XXYLT1: variants seen among roughly 807,000 people sequenced by gnomAD.
XXYLT1 encodes the protein xyloside xylosyltransferase 1.
In XXYLT1, 20 loss-of-function variants were observed where a neutral mutation model predicts 28.9. The ratio of observed to expected loss-of-function variants is 0.69; its 90% CI spans 0.49 to 1.00. The LOEUF (loss-of-function observed/expected upper bound fraction) is 1.00, where lower values mean the gene tolerates loss of function less well. Among genes scored for constraint, XXYLT1 ranks in the 50% least tolerant of loss-of-function variants. XXYLT1 has a pLI of 0.00. For synonymous variants in XXYLT1, 257 were observed against 253.8 expected (o/e 1.01, Z -0.12); for missense variants, 542 against 560.1 (o/e 0.97, Z 0.33).
chr3:195,129,744 G>A lies in XXYLT1; in HGVS notation c.785+26705C>T, dbSNP rs1056714612. Among the ~76,000 whole-genome samples, 8 of 152,136 alleles carry A rather than the reference G, an allele frequency of 5.3e-5. No homozygotes were observed. Among genetic ancestry groups the A allele is most frequent in the East Asian group, 3.9e-4 (2 of 5,186 alleles). On this transcript the variant is annotated intron_variant, in intron 3 of 3. Transcript: ENST00000310380. This position sits in a 1 kb window ranked among gnomAD's most constrained non-coding sequence, Gnocchi z 4.4. ...TCTCGGGCATTTGGTGATTTCCACC[G>A]TTTGGCTATTATGACTCATGCTGAT...
Position 195,118,234 on chromosome 3 carries a change from C to T in XXYLT1, c.785+38215G>A, listed in dbSNP as rs573470598. On this transcript the variant is annotated intron_variant, in intron 3 of 3. Coordinates refer to ENST00000310380, the MANE Select transcript of XXYLT1 (RefSeq NM_152531.5). ...CACAGGGATTTTGATAAGATGCAGG[C>T]GAAGACCCCAAATCTCCAAGCCTTC... Among the ~76,000 whole-genome samples the T allele has an allele frequency of 3.9e-5, 6 of 152,308 alleles. No homozygotes were observed. In the South Asian group the frequency reaches 8.3e-4, roughly 21 times the overall value.
chr3:195,117,515 G>A (rs1336177043), intron 3 of XXYLT1, among the ~76,000 whole-genome samples: 1 of 152,192 alleles, frequency 6.6e-6, no homozygotes, highest in African/African-American at 2.4e-5. Flanking sequence ...GTGTTGATGT[G>A]TGTCATAAGT....
In XXYLT1 at chr3:195,245,074, G is replaced by A. The variant is rs932903366; in HGVS notation, c.505-18218C>T. Among the ~76,000 whole-genome samples, 4 of 151,356 alleles carry A rather than the reference G, an allele frequency of 2.6e-5. 1 individual carries two copies. The highest frequency in any genetic ancestry group is 1.3e-4 in the Admixed American group (2 of 15,218). On this transcript the variant is annotated intron_variant, in intron 1 of 3. Coordinates refer to ENST00000310380, the MANE Select transcript of XXYLT1 (RefSeq NM_152531.5). ...CCAGCTACTCAGGAGGCTGAGGCAG[G>A]AGAATTGCTTGAACCTGGGAGACGG...
In XXYLT1 at chr3:195,069,919, G is replaced by A. The variant is rs975639174; in HGVS notation, c.978C>T (p.Gly326=). ...TGAAGAAGTCCTGGTCCCCGAGGTG[G>A]CCGCGGAAGTGGTACTTGTCGGCCA... The part of the protein sequence containing the change: ...QQLADKYHFR[G]HLGDQDFFTM... The change falls in exon 4 of 4, where the codon GGC becomes GGT. Residue 326 remains glycine (G), a synonymous_variant. Coordinates refer to ENST00000310380, the MANE Select transcript of XXYLT1 (RefSeq NM_152531.5). The A allele has an allele frequency of 1.4e-5, 23 of 1,613,626 alleles. No homozygotes were observed. The highest frequency in any genetic ancestry group is 1.8e-5 in the Non-Finnish European group (21 of 1,179,934).
chr3:195,246,383 T>A (rs1008724914), intron 1 of XXYLT1, among the ~76,000 whole-genome samples: 1 of 152,106 alleles, frequency 6.6e-6, no homozygotes, highest in Non-Finnish European at 1.5e-5. Context: ...GGCAAGAGGG[T>A]CTTTGGCAAG....
intron 3 of XXYLT1, among the ~76,000 whole-genome samples, chr3:195,105,468 C>A (rs552203967): frequency 6.6e-6 from 1 of 152,222 alleles, no homozygotes; most frequent in African/African-American, 2.4e-5. Flanking sequence ...GTCTGACTTA[C>A]GCCCAAAGGC....
At position 195,180,236 on chromosome 3, in the gene XXYLT1, A is replaced by G; in HGVS notation, c.653-23655T>C. 1.2e-6 allele frequency: 1 copy of G among 843,582 alleles called. No homozygotes were observed. Among genetic ancestry groups the G allele is most frequent in the Non-Finnish European group, 1.4e-6 (1 of 700,756 alleles). The allele number at this position is 843,582 out of a possible 1,614,324, so 52.3% of individuals were successfully genotyped here. On this transcript the variant is annotated intron_variant, in intron 2 of 3. Transcript: ENST00000310380. This position sits in a 1 kb window ranked among gnomAD's most constrained non-coding sequence, Gnocchi z 5.8. Reference sequence around the variant, plus strand: ...TCTAACGCCAGATCCCCGTCTCTGCACTGACACCGGGGGTGGTGAGTGGCA... The same window carrying G: ...TCTAACGCCAGATCCCCGTCTCTGCGCTGACACCGGGGGTGGTGAGTGGCA...
At chr3:195,225,093 C>G (rs1228310643) in intron 2 of XXYLT1, among the ~76,000 whole-genome samples, 1 of 152,190 alleles carries the variant, frequency 6.6e-6, no homozygotes. Context: ...GCTGTATAAC[C>G]CTGGGCAGGT....
In XXYLT1 at chr3:195,133,884, A is replaced by G. The variant is rs1374551097; in HGVS notation, c.785+22565T>C. ...AAAAAATTAAAAACTTACAAAATGG[A>G]AAAAAGCTTACAGAATAAGGATAAA... On this transcript the variant is annotated intron_variant, in intron 3 of 3. Transcript: ENST00000310380. The surrounding 1 kb of genome is among the most constrained non-coding windows in gnomAD (Gnocchi z 4.4). 1.3e-5 allele frequency among the ~76,000 whole-genome samples: 2 copies of G among 152,194 alleles called. No individual in the cohort carries two copies. Among genetic ancestry groups the G allele is most frequent in the African/African-American group, 4.8e-5 (2 of 41,442 alleles).
chr3:195,184,923 G>C, intron 2 of XXYLT1: 1 of 726,942 alleles, frequency 1.4e-6, no homozygotes, highest in Non-Finnish European at 1.7e-6. Flanking sequence ...AGTTTCGTTT[G>C]ATCAAATGTT....
chr3:195,103,416 G>GCGGCCTGCATCCATCACCCCACA (rs1560095911), intron 3 of XXYLT1, among the ~76,000 whole-genome samples: 1 of 106,288 alleles, frequency 9.4e-6, no homozygotes. Flanking sequence ...ATCACCCCAC[G>GCGGCCTGCATCCATCACCCCACA]CCAGCGGCCT....
Position 195,256,604 on chromosome 3 carries a change from G to C in XXYLT1, c.504+13951C>G, listed in dbSNP as rs1444981721. ...ACATTCAGGATGGGGTCTGGAAAGG[G>C]CATGAGCTCTGTAAGCCCCCAGCAC... On this transcript the variant is annotated intron_variant, in intron 1 of 3. Transcript: ENST00000310380. This position sits in a 1 kb window ranked among gnomAD's most constrained non-coding sequence, Gnocchi z 4.2. 4.4e-5 allele frequency: 43 copies of C among 983,152 alleles called. No individual in the cohort carries two copies. Among genetic ancestry groups the C allele is most frequent in the Non-Finnish European group, 5.1e-5 (42 of 827,960 alleles). 60.9% of individuals were successfully genotyped at this position (983,152 alleles called of 1,614,324 possible). A position where few individuals can be genotyped will look rare whatever the true frequency, so the allele number is the denominator to read the frequency against.
intron 2 of XXYLT1, among the ~76,000 whole-genome samples, chr3:195,223,857 CAT>C (rs1723931506): frequency 6.6e-6 from 1 of 152,114 alleles, no homozygotes; most frequent in African/African-American, 2.4e-5. Flanking sequence ...CTTTGGGGCA[CAT>C]GTAAAAATGA....
intron 3 of XXYLT1, among the ~76,000 whole-genome samples, chr3:195,089,984 A>G (rs1716039397): frequency 6.6e-6 from 1 of 150,904 alleles, no homozygotes; most frequent in African/African-American, 2.4e-5. Flanking sequence ...TAACTATCCT[A>G]AATATATATG....
intron 2 of XXYLT1, among the ~76,000 whole-genome samples, chr3:195,158,243 T>A (rs909340314): frequency 1.3e-5 from 2 of 152,024 alleles, no homozygotes; most frequent in African/African-American, 4.8e-5. Context: ...CCTGCAGGAG[T>A]CATGGCTTCC....
In XXYLT1 at chr3:195,077,912, C is replaced by T. The variant is rs114275087; in HGVS notation, c.786-7801G>A. Among the ~76,000 whole-genome samples, 1,863 of 152,270 alleles carry T rather than the reference C, an allele frequency of 0.012. 34 individuals carry two copies. The highest frequency in any genetic ancestry group is 0.042 in the African/African-American group (1,751 of 41,568). The stretch of plus-strand genomic sequence containing the variant: ...CTGGGGTTGTCAGTCACGTGACCTT[C>T]CCCCAGCATCTGCAGCCCTGGAGCT... On this transcript the variant is annotated intron_variant, in intron 3 of 3. Transcript: ENST00000310380. This position sits in a 1 kb window ranked among gnomAD's most constrained non-coding sequence, Gnocchi z 4.8.
intron 3 of XXYLT1, among the ~76,000 whole-genome samples, chr3:195,146,490 G>A (rs141447896): frequency 1.4e-3 from 209 of 152,348 alleles, no homozygotes; most frequent in African/African-American, 4.5e-3. Context: ...GCTCCTGGAG[G>A]ACAGGGTCTG....
rs544650832 is a variant in XXYLT1 at position 195,104,012 on chromosome 3, T to G, written c.786-33901A>C. Among the ~76,000 whole-genome samples the G allele has an allele frequency of 3.9e-5, 6 of 152,368 alleles. No individual in the cohort carries two copies. In the East Asian group the frequency reaches 1.2e-3, roughly 29 times the overall value. On this transcript the variant is annotated intron_variant, in intron 3 of 3. Transcript: ENST00000310380. ...GTTTGGAATTCTGAATACATTTTCC[T>G]ATAACAACTATTTCCAACTGGTGTT... is the stretch of plus-strand genomic sequence containing the variant.
At chr3:195,246,305 T>C (rs933889071) in intron 1 of XXYLT1, among the ~76,000 whole-genome samples, 1 of 152,224 alleles carries the variant, frequency 6.6e-6, no homozygotes, top group African/African-American at 2.4e-5. Flanking sequence ...CAGTGCCCTC[T>C]CTGTGCCAAG....
Sources: allele counts gnomAD v4.1 joint callset (sites outside exome capture counted in the v4.1 genomes callset), GRCh38; gene constraint gnomAD v4.1.1; non-coding constraint Gnocchi (gnomAD v3.1); transcripts MANE v1.5; gene names NCBI Gene and HGNC (gene_info 2026-07-23, HGNC 2026-07-21).